MAP3K20: variants seen among roughly 807,000 people sequenced by gnomAD.
MAP3K20 encodes the protein HCCS-4.
In MAP3K20, 40 loss-of-function variants were observed where a neutral mutation model predicts 85.7. The observed-to-expected ratio is 0.47, with a 90% confidence interval of 0.36 to 0.61. The LOEUF (loss-of-function observed/expected upper bound fraction) is 0.61, where lower values mean the gene tolerates loss of function less well. Ranked by LOEUF, MAP3K20 falls within the 20% of genes least tolerant of loss-of-function variation. MAP3K20 has a pLI of 0.00. For synonymous variants in MAP3K20, 325 were observed against 327.7 expected, an observed-to-expected ratio of 0.99 and a Z score of 0.09; for missense variants, 817 against 961.7, an observed-to-expected ratio of 0.85 and a Z score of 1.99.
In MAP3K20 at chr2:173,229,688, G is replaced by A; in HGVS notation, c.988-1G>A. The A allele has an allele frequency of 6.2e-7, 1 of 1,613,888 alleles. No individual in the cohort carries two copies. The stretch of plus-strand genomic sequence containing the variant: ...TCATTTCATGCATATTTCCCATGCA[G>A]CTGCTGCCTTCCTTTGAGATTGGTG... On this transcript the variant is annotated splice_acceptor_variant, in intron 11 of 19. Transcript: ENST00000375213. LOFTEE classifies it high-confidence loss of function.
rs144199038 is a variant in MAP3K20, at chr2:173,231,960, A to G, written c.1033-232A>G. 8.9e-3 allele frequency among the ~76,000 whole-genome samples: 1,362 copies of G among 152,322 alleles called. 17 individuals carry two copies. The highest frequency in any genetic ancestry group is 0.03 in the African/African-American group (1,232 of 41,570). Reference sequence around the variant, plus strand: ...AAGGATTTAAAAATATCTCCCAAAGAAGGAGGAAAACCAAGGGGCTTTTAA... The same window carrying G: ...AAGGATTTAAAAATATCTCCCAAAGGAGGAGGAAAACCAAGGGGCTTTTAA... On this transcript the variant is annotated intron_variant, in intron 12 of 19. Coordinates refer to ENST00000375213, the MANE Select transcript of MAP3K20 (RefSeq NM_016653.3).
intron 2 of MAP3K20, among the ~76,000 whole-genome samples, chr2:173,138,053 C>T (rs1028553378): frequency 5.9e-5 from 9 of 152,142 alleles, no homozygotes; most frequent in South Asian, 2.1e-4. Flanking sequence ...CTGCAACCTC[C>T]GCCTCACAGG....
chr2:173,139,697 T>C (rs1375492971), intron 2 of MAP3K20, among the ~76,000 whole-genome samples: 1 of 152,134 alleles, frequency 6.6e-6, no homozygotes, highest in Non-Finnish European at 1.5e-5. Context: ...CTTCCAAAAA[T>C]AAAAAATGAC....
chr2:173,100,806 C>A (rs1687616886), intron 2 of MAP3K20, among the ~76,000 whole-genome samples: 1 of 152,138 alleles, frequency 6.6e-6, no homozygotes, highest in South Asian at 2.1e-4. Context: ...GTATATAAAT[C>A]ATCATTTTGA....
chr2:173,236,266 TAAAAAAA>T (rs67764486), intron 14 of MAP3K20, among the ~76,000 whole-genome samples: 1 of 64,706 alleles, frequency 1.5e-5, no homozygotes, highest in African/African-American at 6.8e-5. Context: ...AGACCCTGTC[TAAAAAAA>T]AAAAAAAAAA....
At chr2:173,254,734 T>C (rs1685121143) in intron 16 of MAP3K20, among the ~76,000 whole-genome samples, 1 of 152,192 alleles carries the variant, frequency 6.6e-6, no homozygotes, top group African/African-American at 2.4e-5. Flanking sequence ...TCACTGACAA[T>C]TTATGACTCA....
At chr2:173,137,036 A>G (rs1280154697) in intron 2 of MAP3K20, among the ~76,000 whole-genome samples, 2 of 152,176 alleles carry the variant, frequency 1.3e-5, no homozygotes, top group Non-Finnish European at 2.9e-5. Flanking sequence ...AGCGATGAAA[A>G]TTTTTGGAAG....
At chr2:173,106,960 G>A (rs1687799576) in intron 2 of MAP3K20, among the ~76,000 whole-genome samples, 1 of 152,178 alleles carries the variant, frequency 6.6e-6, no homozygotes, top group African/African-American at 2.4e-5. Flanking sequence ...CTAGACTGTT[G>A]CAGGGGAAGA....
At chr2:173,138,076 T>C (rs1688847437) in intron 2 of MAP3K20, among the ~76,000 whole-genome samples, 1 of 152,122 alleles carries the variant, frequency 6.6e-6, no homozygotes, top group Non-Finnish European at 1.5e-5. Context: ...CAAGCAATTC[T>C]CCTGCCTCAG....
chr2:173,228,243 A>G lies in MAP3K20; in HGVS notation c.988-1446A>G, dbSNP rs144897381. On this transcript the variant is annotated intron_variant, in intron 11 of 19. Coordinates refer to ENST00000375213, the MANE Select transcript of MAP3K20 (RefSeq NM_016653.3). ...AGTGGGTTTTTCCGCTTGCCTTCCC[A>G]CCCTGTCTGCCTCATTTACCCTTTT... Among the ~76,000 whole-genome samples, 52 of 151,910 alleles carry G rather than the reference A, an allele frequency of 3.4e-4. No individual in the cohort carries two copies. The East Asian group carries it at 0.01, about 29-fold the overall frequency.
In MAP3K20 at chr2:173,258,797, G is replaced by A; in HGVS notation, c.1458G>A (p.Glu486=). ...VTFNTNLPDA[E]ILKMTKPPFV... is the part of the protein sequence containing the mutation. ...TCAACACTAACCTACCTGATGCGGA[G>A]ATTTTAAAGATGACAAAGGTAGGGT... is the stretch of plus-strand genomic sequence containing the variant. Residue 486 remains glutamate (E), a synonymous_variant, in exon 17 of 20, where the codon GAG becomes GAA. Transcript: ENST00000375213. 6.2e-7 allele frequency: 1 copy of A among 1,606,386 alleles called. No homozygotes were observed. Among genetic ancestry groups the A allele is most frequent in the Admixed American group, 1.7e-5 (1 of 59,748 alleles).
intron 4 of MAP3K20, 114 bp downstream of exon 4, chr2:173,183,069 A>T (rs566256713): frequency 4.7e-4 from 372 of 793,188 alleles, no homozygotes; most frequent in Admixed American, 8.9e-4. Context: ...CTTTTTCCAG[A>T]CCAAAAGTAG....
At chr2:173,106,719 TA>T (rs1687792280) in intron 2 of MAP3K20, among the ~76,000 whole-genome samples, 1 of 152,008 alleles carries the variant, frequency 6.6e-6, no homozygotes, top group Admixed American at 6.5e-5. Flanking sequence ...GAATTTAGGC[TA>T]AGTAAGGAGG....
chr2:173,203,727 A>C (rs1055685861), intron 8 of MAP3K20, 69 bp from the exon 9 acceptor site: 1 of 1,185,150 alleles, frequency 8.4e-7, no homozygotes, highest in African/African-American at 1.5e-5. Context: ...CCCTTCAGAT[A>C]CGGTGTTTGC....
intron 2 of MAP3K20, among the ~76,000 whole-genome samples, chr2:173,125,850 G>C (rs532610396): frequency 6.6e-6 from 1 of 152,194 alleles, no homozygotes; most frequent in South Asian, 2.1e-4. Context: ...TTTTAGTAGA[G>C]ATGGGGTTTC....
intron 2 of MAP3K20, among the ~76,000 whole-genome samples, chr2:173,164,432 C>G (rs1002849704): frequency 2.0e-5 from 3 of 152,028 alleles, no homozygotes; most frequent in Non-Finnish European, 4.4e-5. Flanking sequence ...TTTTTAAGTT[C>G]CTTATAGATT....
chr2:173,119,946 GGAA>G (rs1443321574), intron 2 of MAP3K20, among the ~76,000 whole-genome samples: 2 of 152,004 alleles, frequency 1.3e-5, no homozygotes, highest in Non-Finnish European at 2.9e-5. Context: ...AATAACAAGG[GGAA>G]GAAGGAGAGA....
chr2:173,095,101 T>C (rs1034846358), intron 2 of MAP3K20, among the ~76,000 whole-genome samples: 1 of 152,238 alleles, frequency 6.6e-6, no homozygotes, highest in African/African-American at 2.4e-5. Context: ...TTTGATCGTA[T>C]ACTTAAAGAC....
intron 3 of MAP3K20, among the ~76,000 whole-genome samples, chr2:173,178,921 C>T (rs1690245262): frequency 6.6e-6 from 1 of 152,004 alleles, no homozygotes; most frequent in South Asian, 2.1e-4. Flanking sequence ...AATCCAGCCA[C>T]CCATAAAGAA....
Sources: allele counts gnomAD v4.1 joint callset (sites outside exome capture counted in the v4.1 genomes callset), GRCh38; gene constraint gnomAD v4.1.1; transcripts MANE v1.5; gene names NCBI Gene and HGNC (gene_info 2026-07-23, HGNC 2026-07-21).